GPHN: variants seen among roughly 807,000 people sequenced by gnomAD.
GPHN encodes gephyrin.
GPHN carries 17 observed loss-of-function variants against 95.5 expected under a neutral mutation model. That is an observed-to-expected ratio of 0.18 (90% CI 0.12 to 0.27). The LOEUF (loss-of-function observed/expected upper bound fraction) is 0.27. Ranked by LOEUF, GPHN falls within the 10% of genes least tolerant of loss-of-function variation. The pLI is 1.00. For synonymous variants in GPHN, 320 were observed against 322.5 expected, an observed-to-expected ratio of 0.99 and a Z score of 0.08; for missense variants, 660 against 978.1, an observed-to-expected ratio of 0.67 and a Z score of 4.34.
intron 9 of GPHN, among the ~76,000 whole-genome samples, chr14:66,971,993 C>G (rs1215922906): frequency 2.0e-5 from 3 of 152,008 alleles, no homozygotes; most frequent in African/African-American, 7.2e-5. Context: ...TTGGGCTGGG[C>G]GTGGTGGCTC....
At chr14:66,518,329 A>G (rs1030993329) in intron 1 of GPHN, among the ~76,000 whole-genome samples, 3 of 152,106 alleles carry the variant, frequency 2.0e-5, no homozygotes, top group Non-Finnish European at 4.4e-5. Context: ...TCAAAAAGAC[A>G]AAGAATGACA....
the GPHN span, chr14:67,686,029 T>C: frequency 6.6e-6 from 1 of 152,238 alleles, no homozygotes; most frequent in Non-Finnish European, 1.5e-5. Context: ...AAACATTAAA[T>C]GTTGGAGTTC....
At chr14:67,217,445 A>C in the GPHN span, among the ~76,000 whole-genome samples, 1 of 152,092 alleles carries the variant, frequency 6.6e-6, no homozygotes, top group African/African-American at 2.4e-5. Flanking sequence ...TACTCATGTC[A>C]TTTTGTTACA....
the GPHN span, chr14:67,585,857 C>T: frequency 1.5e-6 from 2 of 1,352,966 alleles, no homozygotes; most frequent in Admixed American, 4.1e-5. Flanking sequence ...TGGGAGTTCT[C>T]CTTTCCTGTG....
chr14:67,542,810 C>G, the GPHN span, among the ~76,000 whole-genome samples: 1 of 152,168 alleles, frequency 6.6e-6, no homozygotes, highest in African/African-American at 2.4e-5. Context: ...AAGCGATTCT[C>G]CTGCCTCAGC....
chr14:67,287,224 CAAAAA>C, the GPHN span, among the ~76,000 whole-genome samples: 1 of 149,072 alleles, frequency 6.7e-6, no homozygotes. Flanking sequence ...ATCTCAAAAA[CAAAAA>C]CAAAAAAAAA....
intron 9 of GPHN, among the ~76,000 whole-genome samples, chr14:66,990,202 C>T (rs1008879209): frequency 2.6e-5 from 4 of 152,036 alleles, no homozygotes; most frequent in African/African-American, 4.8e-5. Flanking sequence ...TCACTATTTA[C>T]AAGAACAGCA....
chr14:66,709,713 A>G (rs74057270), intron 2 of GPHN, among the ~76,000 whole-genome samples: 10,927 of 152,248 alleles, frequency 0.072, 978 homozygotes, highest in African/African-American at 0.2. Context: ...AGTCCCTCAT[A>G]CTTAGTAAGT....
intron 1 of GPHN, among the ~76,000 whole-genome samples, chr14:66,537,093 T>C (rs996376887): frequency 1.1e-4 from 17 of 152,138 alleles, no homozygotes; most frequent in Non-Finnish European, 2.4e-4. Context: ...CATGGTATGA[T>C]TTTTTCTTCT....
intron 2 of GPHN, chr14:66,709,354 CAG>C (rs2069393666): frequency 2.2e-6 from 1 of 456,020 alleles, no homozygotes. Context: ...CTTTTATCCA[CAG>C]GGGATAAATT....
At chr14:67,158,497 C>T (rs1321270605) in intron 18 of GPHN, among the ~76,000 whole-genome samples, 2 of 151,906 alleles carry the variant, frequency 1.3e-5, no homozygotes, top group African/African-American at 2.4e-5. Flanking sequence ...TTGGCTGAGG[C>T]TGTAGAGATA....
At chr14:67,468,158 G>C in the GPHN span, among the ~76,000 whole-genome samples, 1 of 152,076 alleles carries the variant, frequency 6.6e-6, no homozygotes, top group Non-Finnish European at 1.5e-5. Flanking sequence ...ATTTTTAGTA[G>C]AGATGGGGTT....
At chr14:67,126,687 G>T (rs1317828085) in intron 17 of GPHN, among the ~76,000 whole-genome samples, 1 of 152,112 alleles carries the variant, frequency 6.6e-6, no homozygotes, top group Admixed American at 6.5e-5. Flanking sequence ...AGTCAGTGTG[G>T]CAATTCCTCA....
intron 5 of GPHN, among the ~76,000 whole-genome samples, chr14:66,892,971 T>G (rs2064604331): frequency 6.6e-6 from 1 of 152,170 alleles, no homozygotes; most frequent in Non-Finnish European, 1.5e-5. Context: ...TACATTTTCT[T>G]GAAACATTTC....
intron 3 of GPHN, among the ~76,000 whole-genome samples, chr14:66,813,394 T>C (rs1031075518): frequency 6.6e-6 from 1 of 152,042 alleles, no homozygotes; most frequent in African/African-American, 2.4e-5. Flanking sequence ...GGAGAAGACA[T>C]AGAAGCTGGG....
At chr14:66,807,142 AAG>A (rs1361448993) in intron 3 of GPHN, among the ~76,000 whole-genome samples, 6 of 152,208 alleles carry the variant, frequency 3.9e-5, no homozygotes, top group East Asian at 1.9e-4. Context: ...GCAGCAGGCA[AAG>A]AGAGAGTTTG....
chr14:66,995,985 A>G (rs1182835706), intron 9 of GPHN, among the ~76,000 whole-genome samples: 1 of 152,018 alleles, frequency 6.6e-6, no homozygotes, highest in Non-Finnish European at 1.5e-5. Context: ...TTAGCAAGGT[A>G]TTTTTTGTCA....
the GPHN span, among the ~76,000 whole-genome samples, chr14:67,428,693 A>C: frequency 1.2e-4 from 18 of 152,218 alleles, no homozygotes; most frequent in African/African-American, 4.3e-4. Flanking sequence ...TTCCCTCACC[A>C]GAACTCAAGG....
rs780958093 is a variant in GPHN at position 67,110,134 on chromosome 14, T to C, written c.1294-6T>C. On this transcript the variant is annotated splice_polypyrimidine_tract_variant and splice_region_variant and intron_variant, in intron 13 of 22. Coordinates refer to ENST00000478722, the MANE Select transcript of GPHN (RefSeq NM_020806.5). ...CATCAACTGTCTTTTTCATCTTTAT[T>C]TCCAGCCAACTCAGACAGTAATGCC... 6.2e-6 allele frequency: 10 copies of C among 1,613,158 alleles called. No homozygotes were observed. In the South Asian group the frequency reaches 7.7e-5, roughly 12 times the overall value.
Sources: allele counts gnomAD v4.1 joint callset (sites outside exome capture counted in the v4.1 genomes callset), GRCh38; gene constraint gnomAD v4.1.1; transcripts MANE v1.5; gene names NCBI Gene and HGNC (gene_info 2026-07-23, HGNC 2026-07-21).